NRXN3: variants seen among roughly 807,000 people sequenced by gnomAD.
NRXN3 encodes neurexin III.
A neutral mutation model predicts 137.6 loss-of-function variants in NRXN3; 32 were observed. That is an observed-to-expected ratio of 0.23 (90% CI 0.18 to 0.31). NRXN3 has a LOEUF of 0.31. Among genes scored for constraint, NRXN3 ranks in the 10% least tolerant of loss-of-function variants. The probability of loss-of-function intolerance (pLI) is 1.00; values close to 1 mark genes in which losing one functional copy is unlikely to be tolerated. For missense variants in NRXN3, 1,574 were observed against 2,062.5 expected (o/e 0.76, Z 4.59); for synonymous variants, 798 against 784.5 (o/e 1.02, Z -0.29).
intron 1 of NRXN3, among the ~76,000 whole-genome samples, chr14:78,199,881 G>T (rs1217652225): frequency 6.6e-6 from 1 of 152,214 alleles, no homozygotes; most frequent in African/African-American, 2.4e-5. Flanking sequence ...CATACATTAT[G>T]TAGGAGTGGC....
chr14:78,913,963 G>A (rs1011866594), intron 10 of NRXN3, among the ~76,000 whole-genome samples: 4 of 152,096 alleles, frequency 2.6e-5, no homozygotes, highest in African/African-American at 9.7e-5. Context: ...GACTCTGCCT[G>A]GACTGACACA....
intron 15 of NRXN3, chr14:79,280,099 C>CTT: frequency 7.7e-6 from 10 of 1,301,442 alleles, no homozygotes; most frequent in Middle Eastern, 2.9e-4. Context: ...TGCCTTTTAT[C>CTT]TTTTTTTTTT....
chr14:78,329,935 C>G (rs2080584599), intron 4 of NRXN3, among the ~76,000 whole-genome samples: 1 of 152,130 alleles, frequency 6.6e-6, no homozygotes, highest in South Asian at 2.1e-4. Context: ...TTTCATCAAC[C>G]TGGCTCCAAT....
intron 15 of NRXN3, among the ~76,000 whole-genome samples, chr14:79,064,552 A>ATTTTGGTTT (rs2099678302): frequency 6.6e-6 from 1 of 151,838 alleles, no homozygotes; most frequent in African/African-American, 2.4e-5. Context: ...TAGGGACTGG[A>ATTTTGGTTT]CTCAGCATTT....
At chr14:78,778,897 G>A (rs1465130182) in intron 8 of NRXN3, among the ~76,000 whole-genome samples, 4 of 149,074 alleles carry the variant, frequency 2.7e-5, no homozygotes, top group African/African-American at 9.9e-5. Context: ...TCTACAGATA[G>A]TTAATTCACA....
At chr14:79,298,015 T>C (rs1267310510) in intron 15 of NRXN3, among the ~76,000 whole-genome samples, 3 of 152,092 alleles carry the variant, frequency 2.0e-5, no homozygotes, top group Non-Finnish European at 4.4e-5. Flanking sequence ...TCCCAGTCCA[T>C]GTAGTTCATC....
intron 18 of NRXN3, among the ~76,000 whole-genome samples, chr14:79,695,955 T>C (rs972103922): frequency 6.6e-6 from 1 of 152,002 alleles, no homozygotes; most frequent in Non-Finnish European, 1.5e-5. Flanking sequence ...CAAAGTTCTC[T>C]GGCCAATTCA....
At chr14:79,304,054 A>G (rs1298544616) in intron 15 of NRXN3, among the ~76,000 whole-genome samples, 1 of 152,082 alleles carries the variant, frequency 6.6e-6, no homozygotes, top group Non-Finnish European at 1.5e-5. Context: ...TTAAATTCCT[A>G]CTCAAGAACT....
chr14:78,181,599 G>A (rs531406595), intron 1 of NRXN3, among the ~76,000 whole-genome samples: 26 of 152,178 alleles, frequency 1.7e-4, no homozygotes, highest in Non-Finnish European at 3.8e-4. Context: ...AGGGAGGAGG[G>A]GATGATCCCA....
chr14:79,446,558 A>AGGATTTTTTAAAT (rs2096066751), intron 15 of NRXN3, among the ~76,000 whole-genome samples: 2 of 152,162 alleles, frequency 1.3e-5, no homozygotes. Context: ...GACATCATTT[A>AGGATTTTTTAAAT]GCCAGAATAT....
intron 15 of NRXN3, among the ~76,000 whole-genome samples, chr14:79,385,944 G>A (rs1243016990): frequency 6.6e-6 from 1 of 152,050 alleles, no homozygotes; most frequent in African/African-American, 2.4e-5. Flanking sequence ...GGTATTGATG[G>A]GACGTACCTC....
intron 10 of NRXN3, among the ~76,000 whole-genome samples, chr14:78,841,245 T>A (rs1319287572): frequency 6.6e-6 from 1 of 152,122 alleles, no homozygotes; most frequent in African/African-American, 2.4e-5. Flanking sequence ...TTGCTAGAAA[T>A]CTGTCTTTGG....
chr14:79,291,101 A>C (rs1003835690), intron 15 of NRXN3, among the ~76,000 whole-genome samples: 5 of 152,158 alleles, frequency 3.3e-5, no homozygotes, highest in African/African-American at 1.2e-4. Flanking sequence ...ATTATTATAT[A>C]TCTTTTTTCA....
chr14:78,331,851 G>A (rs2080855889), intron 4 of NRXN3, among the ~76,000 whole-genome samples: 1 of 152,188 alleles, frequency 6.6e-6, no homozygotes, highest in Non-Finnish European at 1.5e-5. Context: ...CTGAGATCTG[G>A]AATTTCACTC....
At chr14:78,953,080 G>C (rs1244352625) in intron 10 of NRXN3, among the ~76,000 whole-genome samples, 1 of 152,174 alleles carries the variant, frequency 6.6e-6, no homozygotes, top group Non-Finnish European at 1.5e-5. Context: ...AGAAATTCAT[G>C]TAATATGAAC....
chr14:78,891,826 A>G (rs1481347479), intron 10 of NRXN3, among the ~76,000 whole-genome samples: 1 of 152,026 alleles, frequency 6.6e-6, no homozygotes, highest in Non-Finnish European at 1.5e-5. Flanking sequence ...TATTTGTTAA[A>G]TGAATATGAA....
At position 78,938,037 on chromosome 14, in the gene NRXN3, A is replaced by C. The variant is rs369017714; in HGVS notation, c.2276-19205A>C. 9.8e-5 allele frequency among the ~76,000 whole-genome samples: 15 copies of C among 152,368 alleles called. No homozygotes were observed. In the South Asian group the frequency reaches 2.1e-3, roughly 21 times the overall value. On this transcript the variant is annotated intron_variant, in intron 10 of 20. Transcript: ENST00000335750. ...GGCATCCAGGTAGGCTGTTGGAATA[A>C]CCAGGATATGAGTTGCTAATCGTTC...
At chr14:79,141,143 A>G (rs956914372) in intron 15 of NRXN3, among the ~76,000 whole-genome samples, 1 of 152,030 alleles carries the variant, frequency 6.6e-6, no homozygotes, top group Admixed American at 6.5e-5. Context: ...TTTATTCCTG[A>G]GTGTGTTGGG....
intron 4 of NRXN3, among the ~76,000 whole-genome samples, chr14:78,365,462 A>G (rs2085784537): frequency 6.6e-6 from 1 of 152,196 alleles, no homozygotes; most frequent in Non-Finnish European, 1.5e-5. Context: ...ACAAATGAAA[A>G]AACAGAATGT....
Sources: allele counts gnomAD v4.1 joint callset (sites outside exome capture counted in the v4.1 genomes callset), GRCh38; gene constraint gnomAD v4.1.1; transcripts MANE v1.5; gene names NCBI Gene and HGNC (gene_info 2026-07-23, HGNC 2026-07-21).